SMARCAL1: variants seen among roughly 807,000 people sequenced by gnomAD.
The protein encoded by SMARCAL1 is SNF2 related chromatin remodeling annealing helicase 1, also known as ATP-driven annealing helicase.
Under a neutral mutation model 94.5 loss-of-function variants are expected in SMARCAL1, and 58 were observed. That is an observed-to-expected ratio of 0.61 (90% CI 0.50 to 0.76). The LOEUF (loss-of-function observed/expected upper bound fraction) is 0.76. SMARCAL1 is among the 30% of genes least tolerant of loss of function. SMARCAL1 has a pLI of 0.00. For synonymous variants in SMARCAL1, 422 were observed against 455.1 expected (o/e 0.93, Z 0.93); for missense variants, 1,051 against 1,177.9 (o/e 0.89, Z 1.58).
chr2:216,447,448 G>T (rs1381128130), intron 11 of SMARCAL1, among the ~76,000 whole-genome samples: 4 of 152,096 alleles, frequency 2.6e-5, no homozygotes, highest in African/African-American at 9.7e-5. Flanking sequence ...CTGAGAGCCG[G>T]CTTCCCTCTT....
intron 13 of SMARCAL1, among the ~76,000 whole-genome samples, chr2:216,467,594 G>A (rs1694856469): frequency 6.6e-6 from 1 of 151,966 alleles, no homozygotes; most frequent in Admixed American, 6.6e-5. Flanking sequence ...TGCCTTGGAA[G>A]AGAATTAACT....
At chr2:216,478,089 T>C in intron 16 of SMARCAL1, 114 bp from the exon 17 acceptor site, 1 of 888,702 alleles carries the variant, frequency 1.1e-6, no homozygotes, top group Non-Finnish European at 1.9e-6. Context: ...GATGCAGAGA[T>C]GTGAAACCGT....
intron 5 of SMARCAL1, among the ~76,000 whole-genome samples, chr2:216,421,511 T>C (rs993499672): frequency 2.6e-5 from 4 of 152,150 alleles, no homozygotes; most frequent in Non-Finnish European, 5.9e-5. Flanking sequence ...TTGGCCAGGC[T>C]TGTCTCGAAC....
intron 5 of SMARCAL1, among the ~76,000 whole-genome samples, chr2:216,422,276 A>T (rs917703260): frequency 1.3e-5 from 2 of 152,188 alleles, no homozygotes; most frequent in Admixed American, 1.3e-4. Flanking sequence ...ACTACTCAGG[A>T]GGCTGAGGCA....
At chr2:216,470,689 A>T (rs575286470) in intron 14 of SMARCAL1, among the ~76,000 whole-genome samples, 1 of 151,928 alleles carries the variant, frequency 6.6e-6, no homozygotes, top group Non-Finnish European at 1.5e-5. Context: ...GGGTCTTGCC[A>T]TGTTGCCCAG....
intron 5 of SMARCAL1, among the ~76,000 whole-genome samples, chr2:216,422,352 C>T (rs889475193): frequency 1.3e-5 from 2 of 152,112 alleles, no homozygotes; most frequent in South Asian, 2.1e-4. Context: ...TGCACTCCAG[C>T]CTGGGTGACA....
intron 10 of SMARCAL1, among the ~76,000 whole-genome samples, chr2:216,445,653 T>A (rs1292367127): frequency 6.6e-6 from 1 of 152,208 alleles, no homozygotes; most frequent in African/African-American, 2.4e-5. Context: ...AGGCAAGCGA[T>A]GCTACCAACG....
chr2:216,476,977 G>C, intron 15 of SMARCAL1, 132 bp from the exon 16 acceptor site: 4 of 739,540 alleles, frequency 5.4e-6, no homozygotes, highest in South Asian at 3.0e-5. Flanking sequence ...TTCTAGGTCT[G>C]AGACAGTGAA....
Position 216,420,335 on chromosome 2 carries a change from A to G in SMARCAL1, c.899A>G (p.Gln300Arg). The change falls in exon 5 of 18, where the codon CAG becomes CGG. Residue 300 changes from glutamine to arginine, a missense_variant. Coordinates refer to ENST00000357276, the MANE Select transcript of SMARCAL1 (RefSeq NM_014140.4). Reference protein sequence around the residue: ...AAQSLPTVNLQPLEWAYGSSE... With the variant: ...AAQSLPTVNLRPLEWAYGSSE... ...CAGAGCCTCCCCACGGTCAACCTGC[A>G]GCCTCTGGAATGGGCCTATGGCAGC... The G allele has an allele frequency of 6.2e-7, 1 of 1,614,168 alleles. No homozygotes were observed. Among genetic ancestry groups the G allele is most frequent in the Non-Finnish European group, 8.5e-7 (1 of 1,180,026 alleles).
chr2:216,437,277 A>G (rs942460774), intron 9 of SMARCAL1, among the ~76,000 whole-genome samples: 2 of 152,232 alleles, frequency 1.3e-5, no homozygotes, highest in African/African-American at 4.8e-5. Flanking sequence ...ATGAGGTCTC[A>G]TGATCAGAAA....
Position 216,478,243 on chromosome 2 carries a change from G to A in SMARCAL1, c.2569G>A (p.Gly857Arg), listed in dbSNP as rs760511139. Residue 857 changes from glycine (G) to arginine (R), a missense_variant, in exon 17 of 18, where the codon GGG becomes AGG. Gly to Arg is a moderately radical substitution (Grantham distance 125, BLOSUM62 -2). Transcript: ENST00000357276. ...GAAGATTAAAGTTCTGGCAGAAGCC[G>A]GGCTTTCTGAGACCAATTTTTCAGA... Reference protein sequence around the residue: ...QEKIKVLAEAGLSETNFSEMT... With the variant: ...QEKIKVLAEARLSETNFSEMT... 2.5e-5 allele frequency: 40 copies of A among 1,614,024 alleles called. No individual in the cohort carries two copies. Among genetic ancestry groups the A allele is most frequent in the South Asian group, 4.4e-5 (4 of 91,082 alleles).
Position 216,414,956 on chromosome 2 carries a change from A to G in SMARCAL1, c.252A>G (p.Gln84=). 6.2e-7 allele frequency: 1 copy of G among 1,614,206 alleles called. No homozygotes were observed. The highest frequency in any genetic ancestry group is 8.5e-7 in the Non-Finnish European group (1 of 1,180,042). The change falls in exon 3 of 18, where the codon CAA becomes CAG. Residue 84 remains glutamine (Q), a synonymous_variant. Coordinates refer to ENST00000357276, the MANE Select transcript of SMARCAL1 (RefSeq NM_014140.4). ...TCAGTAGCTCATCTAATGCTGACCA[A>G]AGACCTCATGATTCCCACAGTTTTC... ...QNLSSSSNAD[Q]RPHDSHSFQA...
At chr2:216,416,111 C>A in intron 3 of SMARCAL1, 146 bp from the exon 4 acceptor site, 1 of 735,370 alleles carries the variant, frequency 1.4e-6, no homozygotes, top group Non-Finnish European at 2.5e-6. Context: ...TATTTGTCCT[C>A]TACAGAGATT....
At chr2:216,416,402 T>TCACCACCTGTAAAGCC in intron 4 of SMARCAL1, 95 bp downstream of exon 4, 1 of 1,088,928 alleles carries the variant, frequency 9.2e-7, no homozygotes, top group Non-Finnish European at 1.4e-6. Context: ...TGCATGGCTT[T>TCACCACCTGTAAAGCC]ACAGGTGGTG....
intron 10 of SMARCAL1, among the ~76,000 whole-genome samples, chr2:216,442,348 C>T (rs753372611): frequency 6.8e-6 from 1 of 146,764 alleles, no homozygotes; most frequent in Non-Finnish European, 1.5e-5. Context: ...ACCTGAGAGG[C>T]GGAGGTTGCC....
At chr2:216,443,232 T>C (rs911209610) in intron 10 of SMARCAL1, among the ~76,000 whole-genome samples, 1 of 151,884 alleles carries the variant, frequency 6.6e-6, no homozygotes, top group Non-Finnish European at 1.5e-5. Flanking sequence ...CTGGGATTGG[T>C]GGTCTGCGCC....
intron 13 of SMARCAL1, among the ~76,000 whole-genome samples, chr2:216,467,582 T>C (rs943764887): frequency 1.3e-5 from 2 of 151,864 alleles, no homozygotes; most frequent in African/African-American, 4.8e-5. Context: ...TCCATAGTCC[T>C]CTGCCTTGGA....
At position 216,415,553 on chromosome 2, in the gene SMARCAL1, T is replaced by A. The variant is rs111428081; in HGVS notation, c.811+38T>A. 7.4e-5 allele frequency: 102 copies of A among 1,373,462 alleles called. 1 individual carries two copies. Among genetic ancestry groups the A allele is most frequent in the Non-Finnish European group, 1.0e-4 (98 of 980,854 alleles). 85.1% of individuals were successfully genotyped at this position (1,373,462 alleles called of 1,614,324 possible). A position where few individuals can be genotyped will look rare whatever the true frequency, so the allele number is the denominator to read the frequency against. ...TTTTTCAGCTGTTTTTTTTTTTTTT[T>A]CTTATTTTTGGAGTCTCTTTTAATC... On this transcript the variant is annotated intron_variant, in intron 3 of 17. Transcript: ENST00000357276.
intron 10 of SMARCAL1, among the ~76,000 whole-genome samples, chr2:216,440,761 C>T (rs1416148695): frequency 6.6e-6 from 1 of 152,128 alleles, no homozygotes; most frequent in African/African-American, 2.4e-5. Flanking sequence ...GTACTGTTGA[C>T]ATTTTGGGCT....
Sources: allele counts gnomAD v4.1 joint callset (sites outside exome capture counted in the v4.1 genomes callset), GRCh38; gene constraint gnomAD v4.1.1; transcripts MANE v1.5; gene names NCBI Gene and HGNC (gene_info 2026-07-23, HGNC 2026-07-21).